Variants in DPYD observed in about 807,000 individuals in gnomAD.
DPYD encodes dihydropyrimidine dehydrogenase.
DPYD carries 109 observed loss-of-function variants against 116.2 expected under a neutral mutation model. That is an observed-to-expected ratio of 0.94 (90% CI 0.80 to 1.10). The LOEUF (loss-of-function observed/expected upper bound fraction) is 1.10, where lower values mean the gene tolerates loss of function less well. Among genes scored for constraint, DPYD ranks in the 50% least tolerant of loss-of-function variants. The pLI is 0.00. For synonymous variants in DPYD, 440 were observed against 432.0 expected (o/e 1.02, Z -0.23); for missense variants, 1,302 against 1,254.5 (o/e 1.04, Z -0.57).
At chr1:97,836,087 T>A (rs1669759795) in intron 2 of DPYD, among the ~76,000 whole-genome samples, 1 of 152,012 alleles carries the variant, frequency 6.6e-6, no homozygotes, top group Admixed American at 6.6e-5. Flanking sequence ...CTTGATGGAG[T>A]TTTTGCTGAA....
At chr1:97,595,249 A>G in intron 8 of DPYD, 83 bp from the exon 9 acceptor site, 1 of 1,033,882 alleles carries the variant, frequency 9.7e-7, no homozygotes, top group East Asian at 2.5e-5. Context: ...GAAAACTTTA[A>G]TCTTTGAAAT....
At chr1:97,526,613 G>T (rs1249043384) in intron 12 of DPYD, among the ~76,000 whole-genome samples, 1 of 152,136 alleles carries the variant, frequency 6.6e-6, no homozygotes, top group East Asian at 1.9e-4. Context: ...TAATTATCAA[G>T]TAAGAGATTC....
chr1:97,476,886 T>G (rs1677997742), intron 13 of DPYD, among the ~76,000 whole-genome samples: 1 of 152,232 alleles, frequency 6.6e-6, no homozygotes, highest in Non-Finnish European at 1.5e-5. Context: ...TACACTATGC[T>G]GTATTAAGTG....
intron 2 of DPYD, among the ~76,000 whole-genome samples, chr1:97,848,055 T>C (rs1174715057): frequency 1.3e-5 from 2 of 152,118 alleles, no homozygotes; most frequent in Non-Finnish European, 2.9e-5. Context: ...AAATATTCAA[T>C]GTTAATGAAA....
At chr1:97,291,467 G>A (rs1371838482) in intron 18 of DPYD, among the ~76,000 whole-genome samples, 1 of 151,924 alleles carries the variant, frequency 6.6e-6, no homozygotes, top group Non-Finnish European at 1.5e-5. Flanking sequence ...ACTGGATTAA[G>A]AAAATGTGGC....
intron 13 of DPYD, among the ~76,000 whole-genome samples, chr1:97,511,321 CTAA>C (rs1422716029): frequency 6.6e-6 from 1 of 151,922 alleles, no homozygotes; most frequent in Non-Finnish European, 1.5e-5. Flanking sequence ...TATAGGGTAT[CTAA>C]TAATGTGAAT....
intron 10 of DPYD, among the ~76,000 whole-genome samples, chr1:97,582,775 A>T (rs2811206): frequency 0.93 from 140,966 of 152,236 alleles, 65,871 homozygotes; most frequent in Non-Finnish European, 0.99. Context: ...GAAACATTTA[A>T]CCAAATGAGA....
chr1:97,532,526 T>C (rs1024119196), intron 12 of DPYD, among the ~76,000 whole-genome samples: 7 of 152,122 alleles, frequency 4.6e-5, no homozygotes, highest in African/African-American at 1.7e-4. Flanking sequence ...CCTGTTTGGG[T>C]TGGTTTTTTA....
intron 16 of DPYD, among the ~76,000 whole-genome samples, chr1:97,316,936 C>G (rs947230980): frequency 4.6e-5 from 7 of 150,798 alleles, no homozygotes; most frequent in Non-Finnish European, 1.0e-4. Flanking sequence ...TTAATTTTAT[C>G]ATGTTTTTTT....
At chr1:97,348,256 T>C (rs1669959452) in intron 16 of DPYD, among the ~76,000 whole-genome samples, 1 of 152,174 alleles carries the variant, frequency 6.6e-6, no homozygotes, top group Non-Finnish European at 1.5e-5. Context: ...TTCCTTTTGT[T>C]TCATGTTCTG....
intron 8 of DPYD, among the ~76,000 whole-genome samples, chr1:97,632,553 T>A (rs1224697212): frequency 1.3e-5 from 2 of 152,146 alleles, no homozygotes; most frequent in Non-Finnish European, 2.9e-5. Flanking sequence ...ACAAAATCTG[T>A]CTTGGAATAT....
At chr1:97,310,938 T>C (rs531997750) in intron 16 of DPYD, among the ~76,000 whole-genome samples, 3 of 151,786 alleles carry the variant, frequency 2.0e-5, no homozygotes, top group Non-Finnish European at 4.4e-5. Flanking sequence ...AACTAATGAA[T>C]CATGCCACAA....
chr1:97,497,718 T>C lies in DPYD; in HGVS notation c.1740+18008A>G, dbSNP rs549572651. 3.2e-3 allele frequency among the ~76,000 whole-genome samples: 483 copies of C among 151,962 alleles called. 5 individuals are homozygous for C. Among genetic ancestry groups the C allele is most frequent in the South Asian group, 0.027 (128 of 4,820 alleles). ...GTATGTGAAGAAACTGGAAATATCATACATTGCTGGTGAGAATGTAAATTG... is the reference window on the plus strand; with the variant it reads ...GTATGTGAAGAAACTGGAAATATCACACATTGCTGGTGAGAATGTAAATTG... On this transcript the variant is annotated intron_variant, in intron 13 of 22. Coordinates refer to ENST00000370192, the MANE Select transcript of DPYD (RefSeq NM_000110.4).
rs76749272 is a variant in DPYD at position 97,274,383 on chromosome 1, C to T, written c.2299+30876G>A. Among the ~76,000 whole-genome samples the T allele has an allele frequency of 7.6e-3, 1,161 of 152,250 alleles. 13 individuals are homozygous for T. Among genetic ancestry groups the T allele is most frequent in the African/African-American group, 0.027 (1,113 of 41,558 alleles). On this transcript the variant is annotated intron_variant, in intron 18 of 22. Coordinates refer to ENST00000370192, the MANE Select transcript of DPYD (RefSeq NM_000110.4). ...TTGTTTAAAAGAGCCTGGCATCTCT[C>T]TTGTGCCCTCTCTTGCCATGTGACA...
chr1:97,625,861 C>T (rs984523054), intron 8 of DPYD, among the ~76,000 whole-genome samples: 1 of 152,018 alleles, frequency 6.6e-6, no homozygotes, highest in Non-Finnish European at 1.5e-5. Context: ...TGATAAAACA[C>T]TCAGTTTTAT....
chr1:97,196,350 A>T (rs1196243829), intron 19 of DPYD, among the ~76,000 whole-genome samples: 2 of 152,128 alleles, frequency 1.3e-5, no homozygotes, highest in Non-Finnish European at 2.9e-5. Context: ...TCCTGAGCTC[A>T]AGCAATCCGC....
intron 20 of DPYD, among the ~76,000 whole-genome samples, chr1:97,121,290 T>C (rs559842455): frequency 9.3e-4 from 141 of 152,256 alleles, no homozygotes; most frequent in African/African-American, 3.2e-3. Flanking sequence ...ACTTTCCTAA[T>C]CATCCCATTG....
At chr1:97,770,138 A>C (rs1044006843) in intron 3 of DPYD, among the ~76,000 whole-genome samples, 14 of 152,230 alleles carry the variant, frequency 9.2e-5, no homozygotes, top group Non-Finnish European at 1.5e-5. Flanking sequence ...ATCCACAACT[A>C]AACTGCAACC....
At chr1:97,655,177 T>C (rs1358494064) in intron 8 of DPYD, among the ~76,000 whole-genome samples, 1 of 152,154 alleles carries the variant, frequency 6.6e-6, no homozygotes, top group Non-Finnish European at 1.5e-5. Context: ...TACACAAGCA[T>C]ACTTGACCCT....
Sources: allele counts gnomAD v4.1 joint callset (sites outside exome capture counted in the v4.1 genomes callset), GRCh38; gene constraint gnomAD v4.1.1; transcripts MANE v1.5; gene names NCBI Gene and HGNC (gene_info 2026-07-23, HGNC 2026-07-21).